EXT1: variants seen among roughly 807,000 people sequenced by gnomAD.
The protein encoded by EXT1 is exostosin glycosyltransferase 1, also known as exostosin-1.
A neutral mutation model predicts 82.5 loss-of-function variants in EXT1; 20 were observed. That is an observed-to-expected ratio of 0.24 (90% confidence interval 0.17 to 0.35). The LOEUF (loss-of-function observed/expected upper bound fraction) is 0.35, where lower values mean the gene tolerates loss of function less well. EXT1 is among the 10% of genes least tolerant of loss of function. EXT1 has a pLI of 1.00. For synonymous variants in EXT1, 348 were observed against 350.8 expected (o/e 0.99, Z 0.09); for missense variants, 757 against 936.5 (o/e 0.81, Z 2.50).
At chr8:117,895,593 C>T (rs1035731304) in intron 1 of EXT1, among the ~76,000 whole-genome samples, 9 of 152,124 alleles carry the variant, frequency 5.9e-5, no homozygotes, top group African/African-American at 1.9e-4. Context: ...ATGTTACTGT[C>T]GTTAATTACC....
At chr8:117,970,777 C>T (rs1284580147) in intron 1 of EXT1, among the ~76,000 whole-genome samples, 1 of 152,116 alleles carries the variant, frequency 6.6e-6, no homozygotes, top group East Asian at 1.9e-4. Flanking sequence ...TTAAATGAAC[C>T]GGAATCACAC....
chr8:117,801,350 C>T (rs1373189798), intron 10 of EXT1, among the ~76,000 whole-genome samples: 1 of 152,162 alleles, frequency 6.6e-6, no homozygotes, highest in Middle Eastern at 3.2e-3. Context: ...AGGGGCAGAA[C>T]TCAAGCTTCA....
chr8:117,980,023 C>A (rs1328238727), intron 1 of EXT1, among the ~76,000 whole-genome samples: 1 of 152,100 alleles, frequency 6.6e-6, no homozygotes, highest in East Asian at 1.9e-4. Context: ...AAGAGATCTC[C>A]ATGGTGTAAT....
chr8:118,008,305 G>A (rs1815822908), intron 1 of EXT1, among the ~76,000 whole-genome samples: 1 of 151,720 alleles, frequency 6.6e-6, no homozygotes, highest in Non-Finnish European at 1.5e-5. Flanking sequence ...TGTTGCCCAG[G>A]CTGGAGTGCA....
chr8:118,096,795 C>G (rs1399907939), intron 1 of EXT1, among the ~76,000 whole-genome samples: 4 of 152,144 alleles, frequency 2.6e-5, no homozygotes, highest in Non-Finnish European at 2.9e-5. Context: ...ACAAGAAACT[C>G]TGGGTGAACC....
chr8:118,025,058 G>A (rs1295962382), intron 1 of EXT1, among the ~76,000 whole-genome samples: 1 of 152,188 alleles, frequency 6.6e-6, no homozygotes, highest in Non-Finnish European at 1.5e-5. Flanking sequence ...GCAGATAGTG[G>A]TTGCTTCTGA....
At chr8:117,849,070 C>T (rs1812412858) in intron 1 of EXT1, among the ~76,000 whole-genome samples, 1 of 152,224 alleles carries the variant, frequency 6.6e-6, no homozygotes, top group African/African-American at 2.4e-5. Flanking sequence ...AGAATGCTAA[C>T]TTCTATCTCT....
At chr8:117,800,088 G>A (rs145154213) in intron 10 of EXT1, among the ~76,000 whole-genome samples, 191 bp from the exon 11 acceptor site, 6 of 152,270 alleles carry the variant, frequency 3.9e-5, no homozygotes, top group African/African-American at 7.2e-5. Context: ...GGTATGCTAC[G>A]TTCCTCAGTG....
At chr8:117,813,306 A>C (rs1247757089) in intron 7 of EXT1, among the ~76,000 whole-genome samples, 1 of 150,092 alleles carries the variant, frequency 6.7e-6, no homozygotes, top group Non-Finnish European at 1.5e-5. Context: ...CACAGGATGG[A>C]GCAACTAGCT....
At chr8:117,903,179 G>A (rs762060469) in intron 1 of EXT1, among the ~76,000 whole-genome samples, 1 of 152,190 alleles carries the variant, frequency 6.6e-6, no homozygotes, top group Non-Finnish European at 1.5e-5. Context: ...CTCATTTGAG[G>A]AGCATTTTAT....
chr8:117,859,181 T>C (rs1251409834), intron 1 of EXT1, among the ~76,000 whole-genome samples: 1 of 152,244 alleles, frequency 6.6e-6, no homozygotes, highest in African/African-American at 2.4e-5. Context: ...TGATTTGCTT[T>C]ATTGTGCTCT....
chr8:117,883,870 T>A (rs1813103203), intron 1 of EXT1, among the ~76,000 whole-genome samples: 3 of 152,184 alleles, frequency 2.0e-5, no homozygotes, highest in South Asian at 2.1e-4. Context: ...AAAATTTGAA[T>A]TACACAGTGT....
chr8:117,843,708 C>T (rs1490742031), intron 1 of EXT1, among the ~76,000 whole-genome samples: 2 of 152,022 alleles, frequency 1.3e-5, no homozygotes, highest in Non-Finnish European at 2.9e-5. Context: ...TGACATGGTA[C>T]CAATGGTGTT....
intron 1 of EXT1, among the ~76,000 whole-genome samples, chr8:118,052,613 A>C (rs1429500984): frequency 6.6e-6 from 1 of 152,224 alleles, no homozygotes; most frequent in Non-Finnish European, 1.5e-5. Flanking sequence ...TAAAAAAACA[A>C]ACAAATGAAA....
chr8:118,012,326 T>C (rs1815916281), intron 1 of EXT1, among the ~76,000 whole-genome samples: 1 of 152,236 alleles, frequency 6.6e-6, no homozygotes. Context: ...TAAGGCCTAA[T>C]TCCCGAAGAA....
At chr8:118,082,666 C>T (rs1347765696) in intron 1 of EXT1, among the ~76,000 whole-genome samples, 1 of 152,204 alleles carries the variant, frequency 6.6e-6, no homozygotes, top group Admixed American at 6.5e-5. Context: ...TTCTATACAA[C>T]AAATGAGTTC....
intron 6 of EXT1, among the ~76,000 whole-genome samples, 199 bp downstream of exon 6, chr8:117,819,477 G>A (rs941232575): frequency 6.6e-6 from 1 of 152,182 alleles, no homozygotes; most frequent in Non-Finnish European, 1.5e-5. Flanking sequence ...TCCCTTCCCT[G>A]TGCAGATTTC....
intron 1 of EXT1, among the ~76,000 whole-genome samples, chr8:117,858,565 C>T (rs934396958): frequency 2.4e-4 from 36 of 151,846 alleles, no homozygotes; most frequent in African/African-American, 7.5e-4. Context: ...GTAGTTCCAG[C>T]TACCTTGGAG....
At chr8:117,998,464 C>T (rs757332065) in intron 1 of EXT1, among the ~76,000 whole-genome samples, 17 of 152,100 alleles carry the variant, frequency 1.1e-4, no homozygotes, top group Non-Finnish European at 2.2e-4. Context: ...GTATGTGCCA[C>T]CAAGTCTGGC....
Sources: gnomAD v4.1 joint callset for allele counts (sites outside exome capture counted in the v4.1 genomes callset) on GRCh38, gnomAD v4.1.1 for gene constraint, MANE v1.5 for transcripts, NCBI Gene and HGNC (gene_info 2026-07-23, HGNC 2026-07-21) for gene names.